Variants in CCDC18 observed in about 807,000 individuals in gnomAD.
The protein encoded by CCDC18 is coiled-coil domain-containing protein 18.
In CCDC18, 157 loss-of-function variants were observed where a neutral mutation model predicts 196.0. That is an observed-to-expected ratio of 0.80 (90% CI 0.70 to 0.91). The LOEUF (loss-of-function observed/expected upper bound fraction) is 0.91, where lower values mean the gene tolerates loss of function less well. CCDC18 is among the 40% of genes least tolerant of loss of function. CCDC18 has a pLI of 0.00. For synonymous variants in CCDC18, 482 were observed against 529.2 expected, an observed-to-expected ratio of 0.91 and a Z score of 1.22; for missense variants, 1,465 against 1,611.6, an observed-to-expected ratio of 0.91 and a Z score of 1.56.
At chr1:93,214,382 T>G (rs1394820455) in intron 11 of CCDC18, among the ~76,000 whole-genome samples, 1 of 152,154 alleles carries the variant, frequency 6.6e-6, no homozygotes, top group African/African-American at 2.4e-5. Context: ...CCAAATAAAT[T>G]TTATGATTAC....
intron 4 of CCDC18, among the ~76,000 whole-genome samples, chr1:93,189,841 T>C (rs1297396473): frequency 6.6e-6 from 1 of 152,132 alleles, no homozygotes; most frequent in East Asian, 1.9e-4. Context: ...TTTTGTATTG[T>C]CTTTTTGTAG....
intron 3 of CCDC18, 69 bp downstream of exon 3, chr1:93,184,215 T>A: frequency 3.6e-6 from 3 of 822,532 alleles, no homozygotes; most frequent in Non-Finnish European, 4.9e-6. Flanking sequence ...AAAAAAAATT[T>A]TTTTTAATTT....
Position 93,270,383 on chromosome 1 carries a change from G to C in CCDC18, c.3922G>C (p.Gly1308Arg). The change falls in exon 28 of 29, where the codon GGA (glycine) becomes CGA (arginine). Residue 1308 changes from glycine (G) to arginine (R), a missense_variant. By Grantham distance (125) the Gly-to-Arg change is moderately radical. Transcript: ENST00000690025. ...ELTRLQAKIS[G>R]HEKAEDIKFL... Reference sequence around the variant, plus strand: ...AACCAGATTACAGGCCAAAATTTCTGGACATGAAAAGGCAGAAGACATCAA... The same window carrying C: ...AACCAGATTACAGGCCAAAATTTCTCGACATGAAAAGGCAGAAGACATCAA... The C allele has an allele frequency of 2.6e-6, 4 of 1,549,302 alleles. No homozygotes were observed. The highest frequency in any genetic ancestry group is 3.5e-6 in the Non-Finnish European group (4 of 1,146,140).
At chr1:93,252,725 T>C (rs908080846) in intron 23 of CCDC18, among the ~76,000 whole-genome samples, 1 of 152,252 alleles carries the variant, frequency 6.6e-6, no homozygotes, top group African/African-American at 2.4e-5. Context: ...GTATTTATTT[T>C]AGTCTTTGCA....
intron 6 of CCDC18, among the ~76,000 whole-genome samples, chr1:93,199,516 C>G (rs1406019036): frequency 6.6e-6 from 1 of 152,246 alleles, no homozygotes; most frequent in Non-Finnish European, 1.5e-5. Context: ...TAGGTCTGGG[C>G]TCCCCTGAAG....
rs1253485819 is a variant in CCDC18, at chr1:93,256,554, A to G, written c.3546+16A>G. 1 of 1,582,284 alleles carries G rather than the reference A, an allele frequency of 6.3e-7. No homozygotes were observed. The highest frequency in any genetic ancestry group is 2.2e-5 in the East Asian group (1 of 44,716). On this transcript the variant is annotated intron_variant, in intron 25 of 28. Coordinates refer to ENST00000690025, the MANE Select transcript of CCDC18 (RefSeq NM_001378204.1). ...TAAAGAGAAAGTAATCCCTATTTTA[A>G]ATAATCTTATGTATCTGAAATCTTA...
Position 93,256,470 on chromosome 1 carries a change from C to T in CCDC18, c.3478C>T (p.Gln1160Ter), listed in dbSNP as rs1261994320. 6.2e-7 allele frequency: 1 copy of T among 1,614,028 alleles called. No individual in the cohort carries two copies. Residue 1160 changes from glutamine to a stop codon, truncating the protein, a stop_gained, in exon 25 of 29, where the codon CAA becomes TAA. Coordinates refer to ENST00000690025, the MANE Select transcript of CCDC18 (RefSeq NM_001378204.1). LOFTEE classifies it high-confidence loss of function. Reference sequence around the variant, plus strand: ...GGCAGAGGCTCGTCATCAGCAAGTCCAAGCACAGAGAGAAATAGAAAGGCT... The same window carrying T: ...GGCAGAGGCTCGTCATCAGCAAGTCTAAGCACAGAGAGAAATAGAAAGGCT... ...ELAEARHQQVQAQREIERLSS... is the reference protein window; with the variant it reads ...ELAEARHQQV
intron 19 of CCDC18, among the ~76,000 whole-genome samples, chr1:93,238,208 T>C (rs1293945465): frequency 6.6e-6 from 1 of 152,214 alleles, no homozygotes; most frequent in Admixed American, 6.5e-5. Flanking sequence ...GTTTTATATC[T>C]ACTTTAATAT....
intron 23 of CCDC18, among the ~76,000 whole-genome samples, chr1:93,248,480 T>G (rs528485170): frequency 1.3e-5 from 2 of 152,376 alleles, no homozygotes; most frequent in Admixed American, 1.3e-4. Flanking sequence ...GATTTGTGTA[T>G]GTTGAACCAT....
At chr1:93,234,765 G>A (rs1659776989) in intron 18 of CCDC18, among the ~76,000 whole-genome samples, 1 of 125,038 alleles carries the variant, frequency 8.0e-6, no homozygotes. Flanking sequence ...GTGGAGGGGT[G>A]GATATTAATG....
chr1:93,180,455 C>A, upstream of CCDC18: 2 of 1,397,872 alleles, frequency 1.4e-6, no homozygotes, highest in Non-Finnish European at 1.9e-6. Context: ...TCCTATTCCG[C>A]AACCGCCTCA....
chr1:93,258,453 C>A (rs1663327094), intron 25 of CCDC18, among the ~76,000 whole-genome samples: 1 of 152,074 alleles, frequency 6.6e-6, no homozygotes, highest in African/African-American at 2.4e-5. Context: ...TAGCAGTAGA[C>A]TGTTATCTGC....
rs371899395 is a variant in CCDC18 at position 93,206,064 on chromosome 1, C to T, written c.917+433C>T. Among the ~76,000 whole-genome samples, 6 of 152,078 alleles carry T rather than the reference C, an allele frequency of 3.9e-5. No homozygotes were observed. The South Asian group carries it at 1.0e-3, about 26-fold the overall frequency. On this transcript the variant is annotated intron_variant, in intron 8 of 28. Coordinates refer to ENST00000690025, the MANE Select transcript of CCDC18 (RefSeq NM_001378204.1). Reference sequence around the variant, plus strand: ...AGAATTTACTGAAGGTCTGAAAGATCGAAGTCTTCTGACTCCAATGCTCTC... The same window carrying T: ...AGAATTTACTGAAGGTCTGAAAGATTGAAGTCTTCTGACTCCAATGCTCTC...
intron 4 of CCDC18, among the ~76,000 whole-genome samples, chr1:93,191,318 G>T (rs1478636704): frequency 6.6e-6 from 1 of 152,078 alleles, no homozygotes; most frequent in Non-Finnish European, 1.5e-5. Flanking sequence ...CTCTTTCCTA[G>T]TATGCCAACA....
intron 21 of CCDC18, among the ~76,000 whole-genome samples, chr1:93,245,467 T>C (rs150093508): frequency 0.016 from 2,400 of 152,262 alleles, 28 homozygotes; most frequent in Non-Finnish European, 0.024. Flanking sequence ...GATCAACATT[T>C]TCAACCTTTG....
Position 93,207,261 on chromosome 1 carries a change from T to TAC in CCDC18, c.1072_1073insAC (p.Phe358TyrfsTer4). 1 of 1,613,644 alleles carries TAC rather than the reference T, an allele frequency of 6.2e-7. No homozygotes were observed. Among genetic ancestry groups the TAC allele is most frequent in the Non-Finnish European group, 8.5e-7 (1 of 1,179,766 alleles). On this transcript the variant is annotated frameshift_variant, in exon 9 of 29. Coordinates refer to ENST00000690025, the MANE Select transcript of CCDC18 (RefSeq NM_001378204.1). LOFTEE classifies it high-confidence loss of function. Reference sequence around the variant, plus strand: ...CAAAGACGAAATACTTAGAGACAAATTTTCTTTAATGAATGAAAACCGAGA... The same window carrying TAC: ...CAAAGACGAAATACTTAGAGACAAATACTTTCTTTAATGAATGAAAACCGAGA...
intron 18 of CCDC18, 35 bp from the exon 19 acceptor site, chr1:93,236,213 G>T: frequency 6.5e-7 from 1 of 1,527,498 alleles, no homozygotes; most frequent in Non-Finnish European, 8.8e-7. Flanking sequence ...TTTTTCTTCT[G>T]AATTTAAAAT....
chr1:93,186,386 C>T lies in CCDC18; in HGVS notation c.345C>T (p.Ser115=), dbSNP rs1301420482. ...CCCCTGTGGATCAGGAGATTAAAAG[C>T]CTTCGAGAGAAACTAAATAAACTTA... ...SSAPVDQEIK[S]LREKLNKLRQ... is the part of the protein sequence containing the mutation. Residue 115 remains serine, a synonymous_variant, in exon 4 of 29, where the codon AGC becomes AGT. Transcript: ENST00000690025. 1.5e-5 allele frequency: 24 copies of T among 1,611,982 alleles called. No individual in the cohort carries two copies. Among genetic ancestry groups the T allele is most frequent in the East Asian group, 2.2e-5 (1 of 44,726 alleles).
Position 93,263,261 on chromosome 1 carries a change from C to T in CCDC18, c.3685-1440C>T, listed in dbSNP as rs973176188. 2.6e-5 allele frequency among the ~76,000 whole-genome samples: 4 copies of T among 152,172 alleles called. No homozygotes were observed. The South Asian group carries it at 8.3e-4, about 32-fold the overall frequency. On this transcript the variant is annotated intron_variant, in intron 26 of 28. Coordinates refer to ENST00000690025, the MANE Select transcript of CCDC18 (RefSeq NM_001378204.1). ...TCATTACTTAAGAAGATTTCTGCAG[C>T]GAGCTTGAATTTCTCCCCATAAAAT...
Sources: gnomAD v4.1 joint callset for allele counts (sites outside exome capture counted in the v4.1 genomes callset) on GRCh38, gnomAD v4.1.1 for gene constraint, MANE v1.5 for transcripts, NCBI Gene and HGNC (gene_info 2026-07-23, HGNC 2026-07-21) for gene names.